Variants in CAMK2B observed in about 807,000 individuals in gnomAD.
CAMK2B encodes calcium/calmodulin-dependent protein kinase type II subunit beta.
A neutral mutation model predicts 93.7 loss-of-function variants in CAMK2B; 27 were observed. The observed-to-expected ratio is 0.29, with a 90% CI of 0.21 to 0.40. CAMK2B has a LOEUF of 0.40. CAMK2B is among the 10% of genes least tolerant of loss of function. The probability of loss-of-function intolerance (pLI) is 1.00; values close to 1 mark genes in which losing one functional copy is unlikely to be tolerated. For missense variants in CAMK2B, 568 were observed against 895.8 expected, an observed-to-expected ratio of 0.63 and a Z score of 4.67; for synonymous variants, 374 against 358.8, an observed-to-expected ratio of 1.04 and a Z score of -0.48.
At chr7:44,276,999 G>A (rs970388143) in intron 2 of CAMK2B, among the ~76,000 whole-genome samples, 2 of 152,174 alleles carry the variant, frequency 1.3e-5, no homozygotes, top group Non-Finnish European at 1.5e-5. Flanking sequence ...TCCAGGGCAC[G>A]GACCCTGCAC....
rs142887490 is a variant in CAMK2B, at chr7:44,276,696, C to T, written c.160+7435G>A. On this transcript the variant is annotated intron_variant, in intron 2 of 23. Transcript: ENST00000395749. ...GGAAGAGGACAGTGGTGATACTGAT[C>T]TCTCTGTGGGGTGAGCCTCGGGCCT... Among the ~76,000 whole-genome samples, 546 of 152,294 alleles carry T rather than the reference C, an allele frequency of 3.6e-3. 2 individuals are homozygous for T. Among genetic ancestry groups the T allele is most frequent in the Admixed American group, 7.3e-3 (112 of 15,306 alleles).
chr7:44,301,685 G>T (rs1790082939), intron 1 of CAMK2B, among the ~76,000 whole-genome samples: 1 of 152,032 alleles, frequency 6.6e-6, no homozygotes, highest in African/African-American at 2.4e-5. Context: ...ACTGAGGCAG[G>T]AGAATCACTT....
At chr7:44,324,480 G>A (rs1006052336) in intron 1 of CAMK2B, among the ~76,000 whole-genome samples, 7 of 152,148 alleles carry the variant, frequency 4.6e-5, no homozygotes, top group African/African-American at 1.7e-4. Flanking sequence ...GGGCAAAGCC[G>A]GGTCCGGGGA....
intron 1 of CAMK2B, among the ~76,000 whole-genome samples, chr7:44,316,741 T>C (rs1794910809): frequency 6.6e-6 from 1 of 152,232 alleles, no homozygotes; most frequent in Admixed American, 6.5e-5. Context: ...CCAGATTCAG[T>C]AGTTTGTGTC....
intron 2 of CAMK2B, among the ~76,000 whole-genome samples, chr7:44,270,215 A>G (rs1259212802): frequency 6.6e-6 from 1 of 152,058 alleles, no homozygotes; most frequent in Non-Finnish European, 1.5e-5. Flanking sequence ...CTCAAGGACA[A>G]TCCCTTCTGC....
intron 18 of CAMK2B, 46 bp from the exon 19 acceptor site, chr7:44,228,970 C>A (rs755179163): frequency 1.3e-6 from 2 of 1,597,760 alleles, no homozygotes; most frequent in Admixed American, 1.7e-5. Flanking sequence ...GACAGACACA[C>A]GAGGCGGCGG....
chr7:44,228,692 C>A (rs951353715), intron 19 of CAMK2B, 104 bp downstream of exon 19: 12 of 1,127,852 alleles, frequency 1.1e-5, no homozygotes, highest in Non-Finnish European at 1.4e-5. Context: ...GGCGCCGGGG[C>A]AGGGTAGCTG....
rs1186188753 is a variant in CAMK2B at position 44,241,893 on chromosome 7, C to T, written c.820-110G>A. ...GTCCCCACTTGCCAAGAGCCACCGGCCACCATTGCGGCAAGGGTTGTCTGT... is the reference window on the plus strand; with the variant it reads ...GTCCCCACTTGCCAAGAGCCACCGGTCACCATTGCGGCAAGGGTTGTCTGT... On this transcript the variant is annotated intron_variant, in intron 10 of 23. Coordinates refer to ENST00000395749, the MANE Select transcript of CAMK2B (RefSeq NM_001220.5). The T allele has an allele frequency of 1.8e-5, 15 of 838,048 alleles. No individual in the cohort carries two copies. In the East Asian group the frequency reaches 3.7e-4, roughly 21 times the overall value. 51.9% of individuals were successfully genotyped at this position (838,048 alleles called of 1,614,324 possible).
chr7:44,223,465 G>A (rs991785838), intron 20 of CAMK2B, among the ~76,000 whole-genome samples: 1 of 152,128 alleles, frequency 6.6e-6, no homozygotes, highest in Non-Finnish European at 1.5e-5. Context: ...GCCACCACGA[G>A]TCCCATTCCT....
intron 5 of CAMK2B, among the ~76,000 whole-genome samples, chr7:44,252,668 A>C (rs567993067): frequency 3.3e-5 from 5 of 152,190 alleles, no homozygotes; most frequent in Admixed American, 3.3e-4. Flanking sequence ...TCCACCCCTC[A>C]GGGCACTCCA....
chr7:44,252,641 C>A (rs1216351297), intron 5 of CAMK2B, among the ~76,000 whole-genome samples: 1 of 152,110 alleles, frequency 6.6e-6, no homozygotes. Flanking sequence ...CATGCCCCCA[C>A]CCTTGCCCAG....
At chr7:44,262,145 A>G (rs903257524) in intron 3 of CAMK2B, among the ~76,000 whole-genome samples, 1 of 152,210 alleles carries the variant, frequency 6.6e-6, no homozygotes, top group African/African-American at 2.4e-5. Context: ...AGCCAGGCCC[A>G]GGTGAGTGTG....
chr7:44,322,588 T>C (rs1796377883), intron 1 of CAMK2B, among the ~76,000 whole-genome samples: 1 of 152,204 alleles, frequency 6.6e-6, no homozygotes, highest in Non-Finnish European at 1.5e-5. Flanking sequence ...CCTTGCTCTG[T>C]ACCTGCTCCC....
At chr7:44,221,521 C>T (rs749228234) in intron 20 of CAMK2B, among the ~76,000 whole-genome samples, 4 of 152,166 alleles carry the variant, frequency 2.6e-5, no homozygotes, top group Admixed American at 6.5e-5. Context: ...CAGGGTTCCC[C>T]GGAGCGATGA....
chr7:44,308,509 GC>G (rs751687868), intron 1 of CAMK2B, among the ~76,000 whole-genome samples: 50 of 152,034 alleles, frequency 3.3e-4, no homozygotes, highest in Non-Finnish European at 6.2e-4. Context: ...GGAGCTGCTG[GC>G]CCTCCTCCTG....
intron 1 of CAMK2B, among the ~76,000 whole-genome samples, chr7:44,315,384 T>C (rs932263160): frequency 6.6e-6 from 1 of 152,224 alleles, no homozygotes; most frequent in Non-Finnish European, 1.5e-5. Context: ...CAACTGAACA[T>C]AGATGTATGG....
chr7:44,243,413 C>A lies in CAMK2B; in HGVS notation c.517+12G>T. The A allele has an allele frequency of 6.2e-7, 1 of 1,613,802 alleles. No homozygotes were observed. On this transcript the variant is annotated intron_variant, in intron 7 of 23. Transcript: ENST00000395749. ...CAACTGCCAGCCAACACACCCTGCC[C>A]CTGGCACTCACCAAACCATGCCTGC...
intron 15 of CAMK2B, among the ~76,000 whole-genome samples, chr7:44,233,662 T>A (rs1399036204): frequency 1.3e-5 from 2 of 152,214 alleles, no homozygotes; most frequent in Admixed American, 1.3e-4. Flanking sequence ...CAACTTTACA[T>A]CCTTGGGAGT....
At chr7:44,265,326 T>C (rs1425920492) in intron 2 of CAMK2B, among the ~76,000 whole-genome samples, 5 of 152,204 alleles carry the variant, frequency 3.3e-5, no homozygotes, top group African/African-American at 9.7e-5. Context: ...ATGACACTCA[T>C]GTCTCTAAGC....
Sources: allele counts gnomAD v4.1 joint callset (sites outside exome capture counted in the v4.1 genomes callset), GRCh38; gene constraint gnomAD v4.1.1; transcripts MANE v1.5; gene names NCBI Gene and HGNC (gene_info 2026-07-23, HGNC 2026-07-21).